Variants in FGF14 observed in about 807,000 individuals in gnomAD.
FGF14 encodes fibroblast growth factor 14, also known as fibroblast growth factor homologous factor 4.
A neutral mutation model predicts 25.5 loss-of-function variants in FGF14; 5 were observed. That is an observed-to-expected ratio of 0.20 (90% CI 0.10 to 0.41). The LOEUF is 0.41. Among genes scored for constraint, FGF14 ranks in the 10% least tolerant of loss-of-function variants. FGF14 has a pLI of 1.00. For missense variants in FGF14, 222 were observed against 320.1 expected (o/e 0.69, Z 2.34); for synonymous variants, 138 against 118.3 (o/e 1.17, Z -1.08).
intron 1 of FGF14, among the ~76,000 whole-genome samples, chr13:102,271,819 C>T (rs1474280387): frequency 1.3e-5 from 2 of 152,160 alleles, no homozygotes; most frequent in African/African-American, 4.8e-5. Flanking sequence ...AATCTTTCCT[C>T]TTCTTTCCAC....
chr13:101,860,989 C>A (rs1277652434), intron 3 of FGF14, among the ~76,000 whole-genome samples: 2 of 151,990 alleles, frequency 1.3e-5, no homozygotes, highest in Non-Finnish European at 2.9e-5. Flanking sequence ...TATCCAGTAT[C>A]CAAAATTGAG....
chr13:102,113,944 C>A (rs1595320038), intron 1 of FGF14, among the ~76,000 whole-genome samples: 2 of 152,224 alleles, frequency 1.3e-5, no homozygotes, highest in Non-Finnish European at 2.9e-5. Context: ...TTGGGGCTCA[C>A]CTCACTGTGG....
chr13:101,959,693 T>C (rs7989226), intron 1 of FGF14, among the ~76,000 whole-genome samples: 23,431 of 152,158 alleles, frequency 0.15, 2,041 homozygotes, highest in Admixed American at 0.26. Flanking sequence ...CAAAGCCTAT[T>C]ACTTTCTTCT....
At chr13:101,958,914 A>G (rs563480743) in intron 1 of FGF14, among the ~76,000 whole-genome samples, 4 of 152,272 alleles carry the variant, frequency 2.6e-5, no homozygotes, top group East Asian at 1.9e-4. Context: ...TCTATCCTCA[A>G]TGTAGTCACT....
intron 1 of FGF14, among the ~76,000 whole-genome samples, chr13:101,885,211 C>T (rs1594605289): frequency 6.6e-6 from 1 of 152,144 alleles, no homozygotes; most frequent in African/African-American, 2.4e-5. Flanking sequence ...AGCATGGATT[C>T]AACTTTCTTT....
chr13:101,904,414 T>C (rs925367983), intron 1 of FGF14, among the ~76,000 whole-genome samples: 5 of 152,198 alleles, frequency 3.3e-5, no homozygotes, highest in African/African-American at 1.2e-4. Flanking sequence ...CCAATGAGAA[T>C]GTTGCAGAAA....
chr13:101,794,067 C>T (rs898898747), intron 3 of FGF14, among the ~76,000 whole-genome samples: 1 of 152,056 alleles, frequency 6.6e-6, no homozygotes, highest in African/African-American at 2.4e-5. Context: ...TAAATGGGTG[C>T]AGTTGGCTTC....
chr13:102,181,941 G>A (rs962325959), intron 1 of FGF14, among the ~76,000 whole-genome samples: 4 of 152,220 alleles, frequency 2.6e-5, no homozygotes, highest in South Asian at 2.1e-4. Context: ...CAGGGAGCGC[G>A]GCCCTGCTGA....
chr13:101,937,690 A>C (rs1279334990), intron 1 of FGF14, among the ~76,000 whole-genome samples: 2 of 152,062 alleles, frequency 1.3e-5, no homozygotes, highest in African/African-American at 2.4e-5. Flanking sequence ...TGCCTCCCGG[A>C]TTCAAGCGAT....
chr13:102,304,081 A>G (rs892312675), intron 1 of FGF14, among the ~76,000 whole-genome samples: 1 of 152,120 alleles, frequency 6.6e-6, no homozygotes, highest in Non-Finnish European at 1.5e-5. Context: ...CCAAGTCACT[A>G]CTGAACCCAA....
chr13:102,161,670 G>GTACCCC (rs760379695), intron 1 of FGF14, among the ~76,000 whole-genome samples: 4,046 of 51,750 alleles, frequency 0.078, 360 homozygotes, highest in Middle Eastern at 0.19. Context: ...AGAAGAAGAA[G>GTACCCC]AAGAAGAAGA....
chr13:102,061,851 G>T (rs1008642760), intron 1 of FGF14, among the ~76,000 whole-genome samples: 2 of 152,184 alleles, frequency 1.3e-5, no homozygotes, highest in Non-Finnish European at 2.9e-5. Flanking sequence ...TGTTCTGGCT[G>T]AAAACTTCAC....
At chr13:102,165,896 T>C (rs999041014) in intron 1 of FGF14, among the ~76,000 whole-genome samples, 1 of 151,854 alleles carries the variant, frequency 6.6e-6, no homozygotes, top group African/African-American at 2.4e-5. Context: ...AGGATACTTA[T>C]AAGTATGGTT....
rs142243634 is a variant in FGF14, at chr13:102,206,473, G to A, written c.208+194998C>T. On this transcript the variant is annotated intron_variant, in intron 1 of 4. Transcript: ENST00000376131. ...AGGCGGGCAGATCACTGGAGGTCAG[G>A]AGTTCAAGACCAGCCTAGCCAACAT... 8.3e-3 allele frequency among the ~76,000 whole-genome samples: 1,266 copies of A among 152,260 alleles called. 14 individuals carry two copies. The highest frequency in any genetic ancestry group is 0.028 in the African/African-American group (1,177 of 41,544).
intron 1 of FGF14, among the ~76,000 whole-genome samples, chr13:102,396,987 C>T (rs1337315024): frequency 6.6e-6 from 1 of 152,162 alleles, no homozygotes; most frequent in Non-Finnish European, 1.5e-5. Flanking sequence ...GAAGAAGCAG[C>T]TTACATCTGT....
At chr13:102,229,793 A>G (rs1283493119) in intron 1 of FGF14, among the ~76,000 whole-genome samples, 1 of 152,232 alleles carries the variant, frequency 6.6e-6, no homozygotes, top group Non-Finnish European at 1.5e-5. Flanking sequence ...AATGAAGACT[A>G]AAGGAGTTTT....
rs567528294 is a variant in FGF14, at chr13:102,124,323, G to A, written c.209-249027C>T. Among the ~76,000 whole-genome samples the A allele has an allele frequency of 9.9e-5, 15 of 152,088 alleles. No homozygotes were observed. The South Asian group carries it at 3.1e-3, about 31-fold the overall frequency. On this transcript the variant is annotated intron_variant, in intron 1 of 4. Transcript: ENST00000376131. Reference sequence around the variant, plus strand: ...GAAAGCATAATTTATGGAATAGAAAGCTATATGGAGTTTTAAAAATAAGCA... The same window carrying A: ...GAAAGCATAATTTATGGAATAGAAAACTATATGGAGTTTTAAAAATAAGCA...
chr13:101,926,372 A>T (rs2034367162), intron 1 of FGF14, among the ~76,000 whole-genome samples: 1 of 152,098 alleles, frequency 6.6e-6, no homozygotes, highest in African/African-American at 2.4e-5. Context: ...ATCTCTAATG[A>T]TTGCCTGCTC....
intron 3 of FGF14, among the ~76,000 whole-genome samples, chr13:101,754,173 C>T (rs1224464239): frequency 1.3e-5 from 2 of 152,140 alleles, no homozygotes; most frequent in Non-Finnish European, 2.9e-5. Context: ...CTCCCTGAAG[C>T]TCCTCAGCTG....
Sources: allele counts gnomAD v4.1 joint callset (sites outside exome capture counted in the v4.1 genomes callset), GRCh38; gene constraint gnomAD v4.1.1; transcripts MANE v1.5; gene names NCBI Gene and HGNC (gene_info 2026-07-23, HGNC 2026-07-21).